Variants in AMDHD2 observed in about 807,000 individuals in gnomAD.
The protein encoded by AMDHD2 is amidohydrolase domain containing 2.
Under a neutral mutation model 41.8 loss-of-function variants are expected in AMDHD2, and 24 were observed. That is an observed-to-expected ratio of 0.57 (90% CI 0.42 to 0.81). The LOEUF is 0.81. Ranked by LOEUF, AMDHD2 falls within the 30% of genes least tolerant of loss-of-function variation. The pLI is 0.00. For missense variants in AMDHD2, 540 were observed against 588.5 expected (o/e 0.92, Z 0.85); for synonymous variants, 332 against 255.5 (o/e 1.30, Z -2.85).
chr16:2,530,084 A>C lies in AMDHD2; in HGVS notation c.*521A>C. On this transcript the variant is annotated 3_prime_UTR_variant, in exon 11 of 11. Transcript: ENST00000293971. The stretch of plus-strand genomic sequence containing the variant: ...TTGGGGTGTGCAGCGTGGAGCCCAC[A>C]GCCTGGTTCTGGGCCAGGGCACAGT... The C allele has an allele frequency of 9.8e-7, 1 of 1,017,364 alleles. No homozygotes were observed. The highest frequency in any genetic ancestry group is 1.4e-6 in the Non-Finnish European group (1 of 720,094). The allele number at this position is 1,017,364 out of a possible 1,614,324, so 63.0% of individuals were successfully genotyped here.
rs1466903253 is a variant in AMDHD2, at chr16:2,521,212, C to A, written c.360+89C>A. On this transcript the variant is annotated intron_variant, in intron 3 of 10. Transcript: ENST00000293971. ...AAACTCACGCCCCACCCCCCACCCC[C>A]AGCACGTATTCCATGGTCCTGAGTC... is the stretch of plus-strand genomic sequence containing the variant. The A allele has an allele frequency of 2.8e-6, 4 of 1,410,338 alleles. No homozygotes were observed. In the African/African-American group the frequency reaches 4.6e-5, roughly 16 times the overall value. 87.4% of individuals were successfully genotyped at this position (1,410,338 alleles called of 1,614,324 possible). A position where few individuals can be genotyped will look rare whatever the true frequency, so the allele number is the denominator to read the frequency against.
chr16:2,531,144 T>G lies in AMDHD2; in HGVS notation c.*1581T>G, dbSNP rs2066090821. ...GACGGGACGCCCAGTCCAGAGCTGG[T>G]GAGCCCTGGGCCAGCCTTTGGGCCT... On this transcript the variant is annotated 3_prime_UTR_variant, in exon 11 of 11. Coordinates refer to ENST00000293971, the MANE Select transcript of AMDHD2 (RefSeq NM_001330449.2). 6.6e-7 allele frequency: 1 copy of G among 1,524,594 alleles called. No homozygotes were observed. The highest frequency in any genetic ancestry group is 1.4e-5 in the African/African-American group (1 of 72,674). 94.4% of individuals were successfully genotyped at this position (1,524,594 alleles called of 1,614,324 possible).
chr16:2,523,488 C>T lies in AMDHD2; in HGVS notation c.360+2365C>T, dbSNP rs150293929. 3.0e-3 allele frequency among the ~76,000 whole-genome samples: 462 copies of T among 152,264 alleles called. 4 individuals are homozygous for T. Among genetic ancestry groups the T allele is most frequent in the African/African-American group, 0.01 (436 of 41,534 alleles). ...ACAACCTTCTGCCTTTCTGAGCCTC[C>T]GTTTCCTCAAACCTGAAGTGAGGAT... On this transcript the variant is annotated intron_variant, in intron 3 of 10. Coordinates refer to ENST00000293971, the MANE Select transcript of AMDHD2 (RefSeq NM_001330449.2).
In AMDHD2 at chr16:2,529,755, T is replaced by G. The variant is rs1420529719; in HGVS notation, c.*192T>G. 3.5e-6 allele frequency: 5 copies of G among 1,440,584 alleles called. No individual in the cohort carries two copies. In the African/African-American group the frequency reaches 7.1e-5, roughly 21 times the overall value. 89.2% of individuals were successfully genotyped at this position (1,440,584 alleles called of 1,614,324 possible). ...GACTCGCCTTGGCTCCGGGTTTTGC[T>G]TGTGCTCACATGTGGCACCATCCTT... On this transcript the variant is annotated 3_prime_UTR_variant, in exon 11 of 11. Transcript: ENST00000293971.
rs1226494558 is a variant in AMDHD2 at position 2,531,205 on chromosome 16, C to T, written c.*1642C>T. 3 of 1,242,788 alleles carry T rather than the reference C, an allele frequency of 2.4e-6. No individual in the cohort carries two copies. The highest frequency in any genetic ancestry group is 1.5e-5 in the African/African-American group (1 of 65,416). The allele number at this position is 1,242,788 out of a possible 1,614,324, so 77.0% of individuals were successfully genotyped here. ...ATTCACCGGCCAGCGCCCCACCTCC[C>T]TGGCTGGAGGGTCGGGGAGGGGCTG... On this transcript the variant is annotated 3_prime_UTR_variant, in exon 11 of 11. Transcript: ENST00000293971.
Position 2,531,093 on chromosome 16 carries a change from C to G in AMDHD2, c.*1530C>G, listed in dbSNP as rs368755052. The G allele has an allele frequency of 6.4e-7, 1 of 1,569,188 alleles. No homozygotes were observed. The highest frequency in any genetic ancestry group is 2.3e-5 in the East Asian group (1 of 44,358). On this transcript the variant is annotated 3_prime_UTR_variant, in exon 11 of 11. Transcript: ENST00000293971. ...GCCCATCCTCAGCTAAAACCCAGAG[C>G]TGGCATGTTGGTCATCCCCACCTCA...
chr16:2,528,999 A>C lies in AMDHD2; in HGVS notation c.1045A>C (p.Ser349Arg), dbSNP rs778818595. ...TAGCTGTGTCCCCCAAGCAGGCTGC[A>C]GCATGGAGTCGGCCCTGGAGGCTGC... ...VRHFLQATGC[S>R]MESALEAASL... is the part of the protein sequence containing the mutation. The change falls in exon 10 of 11, where the codon AGC becomes CGC. Residue 349 changes from serine to arginine, a missense_variant. Ser to Arg is a moderately radical substitution (Grantham distance 110). Coordinates refer to ENST00000293971, the MANE Select transcript of AMDHD2 (RefSeq NM_001330449.2). The C allele has an allele frequency of 5.1e-6, 8 of 1,579,092 alleles. No individual in the cohort carries two copies. The South Asian group carries it at 9.2e-5, about 18-fold the overall frequency.
chr16:2,528,174 G>T, intron 6 of AMDHD2, 26 bp downstream of exon 6: 1 of 1,612,486 alleles, frequency 6.2e-7, no homozygotes, highest in South Asian at 1.1e-5. Flanking sequence ...CCCCAGGGGC[G>T]GGGCTGGGGT....
intron 3 of AMDHD2, among the ~76,000 whole-genome samples, chr16:2,523,145 A>G (rs1030204174): frequency 1.3e-5 from 2 of 152,150 alleles, no homozygotes; most frequent in African/African-American, 4.8e-5. Flanking sequence ...CCCAACCAAT[A>G]CTTAACTATT....
Position 2,530,792 on chromosome 16 carries a change from T to G in AMDHD2, c.*1229T>G, listed in dbSNP as rs1173452496. 4.3e-6 allele frequency: 7 copies of G among 1,613,494 alleles called. No homozygotes were observed. The South Asian group carries it at 7.7e-5, about 18-fold the overall frequency. On this transcript the variant is annotated 3_prime_UTR_variant, in exon 11 of 11. Coordinates refer to ENST00000293971, the MANE Select transcript of AMDHD2 (RefSeq NM_001330449.2). ...CCTGGGGCAGGGCACAAGGGGTTGA[T>G]CTCAGCCCACAAGCCCCAGGGGCAG...
Position 2,520,386 on chromosome 16 carries a change from T to G in AMDHD2, c.-73T>G. The G allele has an allele frequency of 8.6e-7, 1 of 1,166,882 alleles. No homozygotes were observed. The highest frequency in any genetic ancestry group is 1.1e-6 in the Non-Finnish European group (1 of 932,962). The allele number at this position is 1,166,882 out of a possible 1,614,324, so 72.3% of individuals were successfully genotyped here. On this transcript the variant is annotated 5_prime_UTR_variant, in exon 1 of 11. Transcript: ENST00000293971. ...CGTGGGCGCGGTCTCAGCTCTCGGC[T>G]GGGGTTCGTCACTGGGCGCGGGATT...
chr16:2,528,776 G>T (rs980764520), intron 9 of AMDHD2, 58 bp downstream of exon 9: 7 of 1,596,218 alleles, frequency 4.4e-6, no homozygotes, highest in Non-Finnish European at 6.0e-6. Context: ...GTCCCCAAGG[G>T]GCTGGACCGG....
chr16:2,531,117 C>T lies in AMDHD2; in HGVS notation c.*1554C>T. 1.3e-6 allele frequency: 2 copies of T among 1,537,844 alleles called. No homozygotes were observed. The highest frequency in any genetic ancestry group is 2.3e-4 in the Middle Eastern group (1 of 4,422). ...GCTGGCATGTTGGTCATCCCCACCT[C>T]AGACGGGACGCCCAGTCCAGAGCTG... On this transcript the variant is annotated 3_prime_UTR_variant, in exon 11 of 11. Coordinates refer to ENST00000293971, the MANE Select transcript of AMDHD2 (RefSeq NM_001330449.2).
rs776725777 is a variant in AMDHD2, at chr16:2,528,520, C to G, written c.931C>G (p.Gln311Glu). 5.6e-6 allele frequency: 9 copies of G among 1,612,748 alleles called. No homozygotes were observed. The highest frequency in any genetic ancestry group is 7.6e-6 in the Non-Finnish European group (9 of 1,179,932). The change falls in exon 8 of 11, where the codon CAG becomes GAG. Residue 311 changes from glutamine to glutamate, a missense_variant. Gln to Glu is a conservative substitution (Grantham distance 29). Transcript: ENST00000293971. ...LGNGRHTLGQ[Q>E]EVEVDGLTAY... ...CAACGGCCGGCACACGCTGGGACAG[C>G]AGGAAGTGGAAGTGGACGGTCTGAC...
chr16:2,521,084 C>G lies in AMDHD2; in HGVS notation c.321C>G (p.Cys107Trp). The G allele has an allele frequency of 1.2e-6, 2 of 1,608,990 alleles. No homozygotes were observed. Among genetic ancestry groups the G allele is most frequent in the South Asian group, 2.2e-5 (2 of 90,328 alleles). Residue 107 changes from cysteine (C) to tryptophan (W), a missense_variant, in exon 3 of 11, where the codon TGC becomes TGG. Transcript: ENST00000293971. Reference sequence around the variant, plus strand: ...TGTCGCACGGCGTCACCTCCTTCTGCCCCACCCTGGTCACTTCCCCACCGG... The same window carrying G: ...TGTCGCACGGCGTCACCTCCTTCTGGCCCACCCTGGTCACTTCCCCACCGG... ...RILSHGVTSF[C>W]PTLVTSPPEV...
Position 2,530,538 on chromosome 16 carries a change from C to A in AMDHD2, c.*975C>A. 6.2e-7 allele frequency: 1 copy of A among 1,614,188 alleles called. No individual in the cohort carries two copies. Among genetic ancestry groups the A allele is most frequent in the South Asian group, 1.1e-5 (1 of 91,088 alleles). ...AGGGGTGATTGTCTTGACTTTCTCT[C>A]CATTTGAGTTCTGGGGTGGGTGGCT... On this transcript the variant is annotated 3_prime_UTR_variant, in exon 11 of 11. Transcript: ENST00000293971.
chr16:2,520,978 C>T lies in AMDHD2; in HGVS notation c.221-6C>T, dbSNP rs995354670. On this transcript the variant is annotated splice_polypyrimidine_tract_variant and splice_region_variant and intron_variant, in intron 2 of 10. Transcript: ENST00000293971. ...CCATGCGACACTTCCTTTTCTGTGG[C>T]TGCAGGTGGATTTGGTGTTGACTTC... 3.8e-6 allele frequency: 6 copies of T among 1,598,808 alleles called. No homozygotes were observed. Among genetic ancestry groups the T allele is most frequent in the Admixed American group, 1.7e-5 (1 of 58,990 alleles).
In AMDHD2 at chr16:2,528,490, C is replaced by G. The variant is rs1246282612; in HGVS notation, c.901C>G (p.Leu301Val). ...CACCGATGCCATCCCTGCCTTGGGC[C>G]TGGGCAACGGCCGGCACACGCTGGG... ...LVTDAIPALG[L>V]GNGRHTLGQQ... The change falls in exon 8 of 11, where the codon CTG becomes GTG. Residue 301 changes from leucine (L) to valine (V), a missense_variant. Physicochemically the swap from Leu to Val is conservative, Grantham distance 32 (BLOSUM62 1). Transcript: ENST00000293971. The G allele has an allele frequency of 6.2e-7, 1 of 1,612,712 alleles. No individual in the cohort carries two copies. The highest frequency in any genetic ancestry group is 1.3e-5 in the African/African-American group (1 of 74,918).
rs2066029884 is a variant in AMDHD2 at position 2,528,133 on chromosome 16, C to T, written c.702C>T (p.Phe234=). 1 of 1,613,134 alleles carries T rather than the reference C, an allele frequency of 6.2e-7. No homozygotes were observed. The highest frequency in any genetic ancestry group is 8.5e-7 in the Non-Finnish European group (1 of 1,179,888). The change falls in exon 6 of 11, where the codon TTC becomes TTT. Residue 234 remains phenylalanine, a synonymous_variant. Transcript: ENST00000293971. ...WSGATFITHL[F]NAMLPFHHRD... is the part of the protein sequence containing the mutation. ...GAGCCACCTTCATCACCCACCTCTT[C>T]AACGCCATGCTGCCTGTGAGTGCTA...
Sources: gnomAD v4.1 joint callset for allele counts (sites outside exome capture counted in the v4.1 genomes callset) on GRCh38, gnomAD v4.1.1 for gene constraint, MANE v1.5 for transcripts, NCBI Gene and HGNC (gene_info 2026-07-23, HGNC 2026-07-21) for gene names.